Variants in SLC67A1 observed in about 807,000 individuals in gnomAD.
The protein encoded by SLC67A1 is solute carrier family 67 member 1, also known as solute carrier family 67 member A1.
chr11:2,911,306 G>A, the SLC67A1 span, among the ~76,000 whole-genome samples: 4 of 152,130 alleles, frequency 2.6e-5, no homozygotes, highest in Non-Finnish European at 5.9e-5. Flanking sequence ...GCGCCCCAGG[G>A]AGAGGGAAGG....
chr11:2,916,979 G>C, the SLC67A1 span: 335 of 567,786 alleles, frequency 5.9e-4, 1 homozygote, highest in African/African-American at 6.0e-3. Flanking sequence ...AGGCAGGAAG[G>C]CCCAGACAGG....
At chr11:2,907,359 G>A in the SLC67A1 span, among the ~76,000 whole-genome samples, 1 of 152,214 alleles carries the variant, frequency 6.6e-6, no homozygotes, top group African/African-American at 2.4e-5. This position sits in a 1 kb window ranked among gnomAD's most constrained non-coding sequence, Gnocchi z 6.7. Flanking sequence ...AACCCACGGG[G>A]GAGGATCCTT....
At chr11:2,909,511 G>A in the SLC67A1 span, 5 of 1,452,994 alleles carry the variant, frequency 3.4e-6, no homozygotes, top group Admixed American at 4.7e-5. Flanking sequence ...TTGTGGAGGG[G>A]CGGGTCAGGG....
At chr11:2,917,926 C>G in the SLC67A1 span, 3 of 1,344,894 alleles carry the variant, frequency 2.2e-6, no homozygotes, top group Non-Finnish European at 3.1e-6. Flanking sequence ...GGCCTGCAGC[C>G]GGGCGAGGGG....
At chr11:2,918,010 C>T in the SLC67A1 span, 191 of 1,613,312 alleles carry the variant, frequency 1.2e-4, 1 homozygote, top group African/African-American at 2.2e-3. Flanking sequence ...CCAGTGTGTT[C>T]GACCTGAAGG....
At chr11:2,919,640 G>T in the SLC67A1 span, 2 of 551,082 alleles carry the variant, frequency 3.6e-6, no homozygotes, top group South Asian at 2.4e-5. Flanking sequence ...AGCTGGCTGG[G>T]ATCTGTGGCA....
the SLC67A1 span, chr11:2,909,156 A>T: frequency 6.9e-7 from 1 of 1,448,360 alleles, no homozygotes; most frequent in Non-Finnish European, 9.1e-7. Flanking sequence ...GGGGACACTG[A>T]CCGCCTCCGT....
the SLC67A1 span, chr11:2,903,467 T>A: frequency 6.2e-7 from 1 of 1,613,288 alleles, no homozygotes. Flanking sequence ...ACCTGCCTCT[T>A]CATGCAGTTC....
At chr11:2,917,801 T>C in the SLC67A1 span, among the ~76,000 whole-genome samples, 1 of 152,194 alleles carries the variant, frequency 6.6e-6, no homozygotes. Context: ...TGAGGGGCGG[T>C]GCCCAACCTG....
chr11:2,909,755 G>A, the SLC67A1 span: 4 of 1,415,126 alleles, frequency 2.8e-6, no homozygotes, highest in Admixed American at 3.1e-5. Flanking sequence ...CAGGACGCCC[G>A]CGGCTGGGTC....
chr11:2,900,261 C>T, the SLC67A1 span, among the ~76,000 whole-genome samples: 1 of 152,176 alleles, frequency 6.6e-6, no homozygotes, highest in African/African-American at 2.4e-5. Flanking sequence ...GGCTGGAATC[C>T]CCTCGAGCGG....
the SLC67A1 span, chr11:2,909,426 T>G: frequency 0.65 from 941,046 of 1,458,474 alleles, 304,009 homozygotes; most frequent in Middle Eastern, 0.71. Context: ...CCGGGACACC[T>G]CCAGGGAGGT....
the SLC67A1 span, among the ~76,000 whole-genome samples, chr11:2,924,380 TG>T: frequency 2.6e-5 from 4 of 151,164 alleles, no homozygotes; most frequent in Non-Finnish European, 5.9e-5. This position sits in a 1 kb window ranked among gnomAD's most constrained non-coding sequence, Gnocchi z 8.6. Flanking sequence ...CTCCGCAGGG[TG>T]GGGCGGCTGG....
chr11:2,908,011 G>A, the SLC67A1 span, among the ~76,000 whole-genome samples: 7 of 152,126 alleles, frequency 4.6e-5, no homozygotes, highest in Middle Eastern at 3.2e-3. Flanking sequence ...CTGGGCTCCC[G>A]CCTAGGAGAG....
chr11:2,902,041 C>G, the SLC67A1 span, among the ~76,000 whole-genome samples: 1 of 152,164 alleles, frequency 6.6e-6, no homozygotes, highest in Non-Finnish European at 1.5e-5. Flanking sequence ...GCCCGGGCAC[C>G]GGGCAGGATT....
the SLC67A1 span, among the ~76,000 whole-genome samples, chr11:2,910,661 G>A: frequency 2.6e-5 from 4 of 152,290 alleles, no homozygotes; most frequent in Admixed American, 2.6e-4. Flanking sequence ...CGAGGTGGGG[G>A]AGGACAGTGG....
the SLC67A1 span, among the ~76,000 whole-genome samples, chr11:2,910,298 C>A: frequency 6.6e-6 from 1 of 152,090 alleles, no homozygotes; most frequent in African/African-American, 2.4e-5. Context: ...TAGAATACAG[C>A]GGCAGACAAC....
At chr11:2,916,586 A>C in the SLC67A1 span, 3 of 1,542,730 alleles carry the variant, frequency 1.9e-6, no homozygotes, top group Non-Finnish European at 2.7e-6. Context: ...GGGCCCTGGG[A>C]CCCGCACCCT....
At chr11:2,924,403 A>C in the SLC67A1 span, among the ~76,000 whole-genome samples, 2 of 151,926 alleles carry the variant, frequency 1.3e-5, no homozygotes, top group African/African-American at 4.8e-5. This position sits in a 1 kb window ranked among gnomAD's most constrained non-coding sequence, Gnocchi z 8.6. Flanking sequence ...GGAAGGGCTG[A>C]TGGCCAGGAG....
Sources: allele counts gnomAD v4.1 joint callset (sites outside exome capture counted in the v4.1 genomes callset), GRCh38; gene constraint gnomAD v4.1.1; non-coding constraint Gnocchi (gnomAD v3.1); transcripts MANE v1.5; gene names NCBI Gene and HGNC (gene_info 2026-07-23, HGNC 2026-07-21).